Variants in CASD1 observed in about 807,000 individuals in gnomAD.
The protein encoded by CASD1 is N-acetylneuraminate (7)9-O-acetyltransferase.
A neutral mutation model predicts 100.0 loss-of-function variants in CASD1; 41 were observed. That is an observed-to-expected ratio of 0.41 (90% confidence interval 0.32 to 0.53). The LOEUF (loss-of-function observed/expected upper bound fraction) is 0.53. Among genes scored for constraint, CASD1 ranks in the 20% least tolerant of loss-of-function variants. The pLI is 0.25. For missense variants in CASD1, 774 were observed against 948.7 expected, an observed-to-expected ratio of 0.82 and a Z score of 2.42; for synonymous variants, 321 against 315.6, an observed-to-expected ratio of 1.02 and a Z score of -0.18.
In CASD1 at chr7:94,548,089, G is replaced by A. The variant is rs1386045066; in HGVS notation, c.1713+914G>A. On this transcript the variant is annotated intron_variant, in intron 13 of 17. Transcript: ENST00000297273. ...ATGTATAAGGAAATAGCCAGGTTAG[G>A]GCAACAACTTCTTGACAGTTATTCA... 3.3e-5 allele frequency among the ~76,000 whole-genome samples: 5 copies of A among 151,782 alleles called. No homozygotes were observed. In the South Asian group the frequency reaches 6.2e-4, roughly 19 times the overall value.
intron 10 of CASD1, among the ~76,000 whole-genome samples, chr7:94,542,051 T>C (rs1795430439): frequency 6.6e-6 from 1 of 152,226 alleles, no homozygotes; most frequent in Non-Finnish European, 1.5e-5. Context: ...AAATTGTTGT[T>C]ACAGTATTTA....
chr7:94,532,052 C>T (rs1231655320), intron 5 of CASD1, among the ~76,000 whole-genome samples: 1 of 151,962 alleles, frequency 6.6e-6, no homozygotes, highest in Non-Finnish European at 1.5e-5. Flanking sequence ...TTATATATAA[C>T]ATATAGTTAG....
Position 94,554,556 on chromosome 7 carries a change from T to G in CASD1, c.2108T>G (p.Phe703Cys). ...GTTTACAGTTCATTTTTTGCTTGGT[T>G]TGGAAAAATTTCATTAGAGGTTGGT... ...RSVYSSFFAW[F>C]GKISLELFIC... The change falls in exon 17 of 18, where the codon TTT becomes TGT. Residue 703 changes from phenylalanine (F) to cysteine (C), a missense_variant. By Grantham distance (205) the Phe-to-Cys change is radical (BLOSUM62 -2). Transcript: ENST00000297273. 6.2e-7 allele frequency: 1 copy of G among 1,609,948 alleles called. No homozygotes were observed. The highest frequency in any genetic ancestry group is 8.5e-7 in the Non-Finnish European group (1 of 1,176,806).
chr7:94,592,750 CTG>C, the CASD1 span, among the ~76,000 whole-genome samples: 3 of 152,042 alleles, frequency 2.0e-5, no homozygotes, highest in African/African-American at 7.2e-5. Flanking sequence ...TACCGTAATT[CTG>C]TGAGTAAGGT....
rs542222331 is a variant in CASD1 at position 94,524,625 on chromosome 7, A to G, written c.352-2537A>G. ...GAACATTTGTATGGCCTATGGATCTATGGAACAATTAGGGAAATTCTTACT... is the reference window on the plus strand; with the variant it reads ...GAACATTTGTATGGCCTATGGATCTGTGGAACAATTAGGGAAATTCTTACT... On this transcript the variant is annotated intron_variant, in intron 3 of 17. Transcript: ENST00000297273. Among the ~76,000 whole-genome samples the G allele has an allele frequency of 3.9e-5, 6 of 152,256 alleles. No individual in the cohort carries two copies. In the South Asian group the frequency reaches 6.2e-4, roughly 16 times the overall value.
At chr7:94,574,798 G>A in the CASD1 span, among the ~76,000 whole-genome samples, 6 of 151,890 alleles carry the variant, frequency 4.0e-5, no homozygotes, top group East Asian at 3.9e-4. Flanking sequence ...GTGAAACCCC[G>A]CCTCTACTAA....
In CASD1 at chr7:94,552,067, G is replaced by A. The variant is rs77571510; in HGVS notation, c.1957-283G>A. On this transcript the variant is annotated intron_variant, in intron 15 of 17. Coordinates refer to ENST00000297273, the MANE Select transcript of CASD1 (RefSeq NM_022900.5). ...AGTTACAATAAATTTGGGATAAAAT[G>A]TAATGTAAGGTGTTTCATATGGAGA... The A allele has an allele frequency of 8.5e-3, 2,479 of 292,518 alleles. 55 individuals are homozygous for A. The highest frequency in any genetic ancestry group is 0.051 in the African/African-American group (2,312 of 45,640). 18.1% of individuals were successfully genotyped at this position (292,518 alleles called of 1,614,324 possible).
At chr7:94,535,629 TA>T in intron 8 of CASD1, 106 bp downstream of exon 8, 1 of 749,566 alleles carries the variant, frequency 1.3e-6, no homozygotes, top group Non-Finnish European at 2.2e-6. Flanking sequence ...ATTGCAGTCT[TA>T]GTAACTTGTA....
the CASD1 span, chr7:94,586,745 G>A: frequency 9.0e-5 from 60 of 668,254 alleles, no homozygotes; most frequent in African/African-American, 1.1e-3. Context: ...CAGGTGATCC[G>A]CCTGCCTTGG....
At chr7:94,609,098 G>A in the CASD1 span, among the ~76,000 whole-genome samples, 1 of 152,204 alleles carries the variant, frequency 6.6e-6, no homozygotes, top group Non-Finnish European at 1.5e-5. Flanking sequence ...TTTCTCTTCT[G>A]CAAAAGACAC....
the CASD1 span, chr7:94,625,356 C>T: frequency 6.6e-6 from 1 of 151,674 alleles, no homozygotes; most frequent in Non-Finnish European, 1.5e-5. Context: ...ATATGGTAAA[C>T]TTTCTTTTTT....
At chr7:94,547,602 C>A (rs1322597189) in intron 13 of CASD1, among the ~76,000 whole-genome samples, 1 of 151,698 alleles carries the variant, frequency 6.6e-6, no homozygotes, top group East Asian at 1.9e-4. Flanking sequence ...AACTTAGGAG[C>A]AAAGGGGTTT....
the CASD1 span, among the ~76,000 whole-genome samples, chr7:94,608,028 G>A: frequency 7.2e-5 from 11 of 152,128 alleles, no homozygotes; most frequent in African/African-American, 2.7e-4. Context: ...CTATATACCA[G>A]CATGAACAGG....
At chr7:94,584,762 T>C in the CASD1 span, among the ~76,000 whole-genome samples, 2 of 152,188 alleles carry the variant, frequency 1.3e-5, no homozygotes, top group Non-Finnish European at 2.9e-5. Flanking sequence ...TGCAAGGTAC[T>C]CTGGGGTTTT....
chr7:94,550,308 T>C (rs1243755180), intron 14 of CASD1, among the ~76,000 whole-genome samples: 1 of 152,164 alleles, frequency 6.6e-6, no homozygotes, highest in African/African-American at 2.4e-5. Context: ...GTTTTCTTAG[T>C]GCCTATTCTT....
chr7:94,614,560 G>A, the CASD1 span, among the ~76,000 whole-genome samples: 3 of 151,974 alleles, frequency 2.0e-5, no homozygotes, highest in African/African-American at 2.4e-5. Flanking sequence ...TTCGGTACTC[G>A]CCCAAGCCCT....
At chr7:94,621,452 A>G in the CASD1 span, 1 of 152,272 alleles carries the variant, frequency 6.6e-6, no homozygotes, top group Non-Finnish European at 1.5e-5. Flanking sequence ...GTTGTCTAGC[A>G]GTCTTCCATT....
chr7:94,579,409 C>G, the CASD1 span, among the ~76,000 whole-genome samples: 1 of 152,082 alleles, frequency 6.6e-6, no homozygotes, highest in Non-Finnish European at 1.5e-5. Context: ...CTAAAATGTA[C>G]TGCACCCTAT....
chr7:94,588,639 A>G, the CASD1 span: 1 of 1,561,956 alleles, frequency 6.4e-7, no homozygotes, highest in Non-Finnish European at 8.8e-7. Context: ...ATTATCTTTT[A>G]ATCTATTAGA....
Sources: gnomAD v4.1 joint callset for allele counts (sites outside exome capture counted in the v4.1 genomes callset) on GRCh38, gnomAD v4.1.1 for gene constraint, MANE v1.5 for transcripts, NCBI Gene and HGNC (gene_info 2026-07-23, HGNC 2026-07-21) for gene names.